Variants in HIVEP3 observed in about 807,000 individuals in gnomAD.
HIVEP3 encodes the protein HIVEP zinc finger 3, also known as transcription factor HIVEP3.
Under a neutral mutation model 152.8 loss-of-function variants are expected in HIVEP3, and 49 were observed. That is an observed-to-expected ratio of 0.32 (90% CI 0.26 to 0.41). The LOEUF (loss-of-function observed/expected upper bound fraction) is 0.41, where lower values mean the gene tolerates loss of function less well. Among genes scored for constraint, HIVEP3 ranks in the 10% least tolerant of loss-of-function variants. The probability of loss-of-function intolerance (pLI) is 1.00; values close to 1 mark genes in which losing one functional copy is unlikely to be tolerated. For synonymous variants in HIVEP3, 1,269 were observed against 1,289.0 expected (o/e 0.98, Z 0.33); for missense variants, 2,790 against 3,103.3 (o/e 0.90, Z 2.40).
rs553076758 is a variant in HIVEP3, at chr1:41,912,693, C to T, written c.-801+5720G>A. On this transcript the variant is annotated intron_variant, in intron 1 of 8. Coordinates refer to ENST00000372583, the MANE Select transcript of HIVEP3 (RefSeq NM_024503.5). Reference sequence around the variant, plus strand: ...AGGGCATGGAGCAAATGACTACATTCTGCTTCTCTTGCTAAGATTTCAATG... The same window carrying T: ...AGGGCATGGAGCAAATGACTACATTTTGCTTCTCTTGCTAAGATTTCAATG... 8.5e-5 allele frequency among the ~76,000 whole-genome samples: 13 copies of T among 152,306 alleles called. No homozygotes were observed. The South Asian group carries it at 2.5e-3, about 29-fold the overall frequency.
Position 41,545,027 on chromosome 1 carries a change from C to CATCACTACT in HIVEP3, c.5208-20118_5208-20117insAGTAGTGAT, listed in dbSNP as rs1558047452. ...TCACCACCACCACCACTACCACCAC[C>CATCACTACT]ACCACCACCAATACCACTACCACCA... is the stretch of plus-strand genomic sequence containing the variant. On this transcript the variant is annotated intron_variant, in intron 5 of 8. Transcript: ENST00000372583. 9.8e-5 allele frequency among the ~76,000 whole-genome samples: 11 copies of CATCACTACT among 112,574 alleles called. 3 individuals carry two copies. Among genetic ancestry groups the CATCACTACT allele is most frequent in the Admixed American group, 8.2e-5 (1 of 12,258 alleles). 73.9% of individuals were successfully genotyped at this position (112,574 alleles called of 152,430 possible).
intron 2 of HIVEP3, among the ~76,000 whole-genome samples, chr1:41,653,009 T>C (rs1168560152): frequency 6.9e-6 from 1 of 145,718 alleles, no homozygotes; most frequent in African/African-American, 2.5e-5. Flanking sequence ...CCATTTTTCT[T>C]CTGAGGATAA....
intron 1 of HIVEP3, among the ~76,000 whole-genome samples, chr1:41,817,216 A>G (rs1395416856): frequency 1.1e-4 from 17 of 152,248 alleles, no homozygotes; most frequent in Non-Finnish European, 2.4e-4. Flanking sequence ...ACCCACATCC[A>G]AGCCTTAGAC....
rs762383744 is a variant in HIVEP3, at chr1:41,509,166, C to G, written c.*1285G>C. ...CGAGTTAGGACAATTCAAAAATCCT[C>G]TAGGTCAAAAGAATCTGTGGTGGCT... On this transcript the variant is annotated 3_prime_UTR_variant, in exon 9 of 9. Transcript: ENST00000372583. 1.3e-5 allele frequency: 2 copies of G among 152,186 alleles called. No homozygotes were observed. Among genetic ancestry groups the G allele is most frequent in the Admixed American group, 6.5e-5 (1 of 15,278 alleles). The allele number at this position is 152,186 out of a possible 1,614,324, so 9.4% of individuals were successfully genotyped here.
chr1:41,630,724 G>A (rs1570155502), intron 2 of HIVEP3, among the ~76,000 whole-genome samples: 1 of 152,166 alleles, frequency 6.6e-6, no homozygotes, highest in Non-Finnish European at 1.5e-5. Flanking sequence ...CCAACACCTT[G>A]ATTCAGCCCT....
In HIVEP3 at chr1:41,788,018, T is replaced by G. The variant is rs552533723; in HGVS notation, c.-800-87023A>C. ...CTCCTCAAAGGGATTTAATGTGACT[T>G]TGGGCTCAAGCAAAGCTGCTCTGGG... On this transcript the variant is annotated intron_variant, in intron 1 of 8. Coordinates refer to ENST00000372583, the MANE Select transcript of HIVEP3 (RefSeq NM_024503.5). Among the ~76,000 whole-genome samples the G allele has an allele frequency of 2.0e-4, 31 of 152,108 alleles. No homozygotes were observed. The South Asian group carries it at 5.8e-3, about 29-fold the overall frequency.
chr1:41,841,441 T>G (rs1232917914), intron 1 of HIVEP3, among the ~76,000 whole-genome samples: 1 of 152,152 alleles, frequency 6.6e-6, no homozygotes. Context: ...AGCCGAATGC[T>G]CTGTGAATAT....
At chr1:41,902,300 T>C (rs530049539) in intron 1 of HIVEP3, among the ~76,000 whole-genome samples, 1 of 152,246 alleles carries the variant, frequency 6.6e-6, no homozygotes, top group East Asian at 1.9e-4. Context: ...AGATGAGTGA[T>C]TCATTGAAGA....
chr1:42,022,520 G>A (rs915493493), intron 1 of HIVEP3, among the ~76,000 whole-genome samples: 2 of 152,108 alleles, frequency 1.3e-5, no homozygotes, highest in Admixed American at 1.3e-4. Context: ...GATTTGTCAA[G>A]TATTTTTTCA....
intron 1 of HIVEP3, among the ~76,000 whole-genome samples, chr1:41,811,818 T>C (rs1650978342): frequency 6.6e-6 from 1 of 152,106 alleles, no homozygotes; most frequent in African/African-American, 2.4e-5. Flanking sequence ...AAAATCGCAG[T>C]TGCTGTAGTT....
At chr1:41,526,647 C>CTA (rs1558027921) in intron 5 of HIVEP3, among the ~76,000 whole-genome samples, 1 of 31,650 alleles carries the variant, frequency 3.2e-5, no homozygotes. Flanking sequence ...CCTCACACCC[C>CTA]CACACTCACA....
chr1:41,996,929 G>A (rs1478309353), intron 1 of HIVEP3, among the ~76,000 whole-genome samples: 2 of 152,066 alleles, frequency 1.3e-5, no homozygotes, highest in Admixed American at 6.6e-5. Flanking sequence ...GCACATCTTC[G>A]AATCTCTCTC....
chr1:41,651,091 C>T (rs1645541294), intron 2 of HIVEP3, among the ~76,000 whole-genome samples: 1 of 152,114 alleles, frequency 6.6e-6, no homozygotes, highest in Admixed American at 6.5e-5. Flanking sequence ...ATGGATTCAA[C>T]CAATCGAGGA....
chr1:41,933,900 T>A (rs1645007520), intron 1 of HIVEP3, among the ~76,000 whole-genome samples: 1 of 152,118 alleles, frequency 6.6e-6, no homozygotes, highest in Non-Finnish European at 1.5e-5. Flanking sequence ...GCTTCACTTC[T>A]GAATCCAGAA....
chr1:41,633,097 G>A (rs1232896738), intron 2 of HIVEP3, among the ~76,000 whole-genome samples: 1 of 152,142 alleles, frequency 6.6e-6, no homozygotes, highest in African/African-American at 2.4e-5. Context: ...CTCCGTGGCA[G>A]GTCAGAGGGC....
intron 2 of HIVEP3, among the ~76,000 whole-genome samples, chr1:41,667,626 A>G (rs574088162): frequency 6.6e-6 from 1 of 152,374 alleles, no homozygotes; most frequent in South Asian, 2.1e-4. Context: ...AGGGAGGTGC[A>G]TAAGTACAGC....
intron 2 of HIVEP3, among the ~76,000 whole-genome samples, chr1:41,673,290 G>A (rs1010922640): frequency 6.6e-6 from 1 of 152,268 alleles, no homozygotes; most frequent in African/African-American, 2.4e-5. Flanking sequence ...CAGGTGCAAA[G>A]AGGCAGTGAG....
At chr1:41,986,805 C>T (rs1645326550) in intron 1 of HIVEP3, among the ~76,000 whole-genome samples, 1 of 152,178 alleles carries the variant, frequency 6.6e-6, no homozygotes. Context: ...TATTAAGATA[C>T]TGTCCTTCCA....
At chr1:41,549,075 C>T (rs1340357481) in intron 5 of HIVEP3, among the ~76,000 whole-genome samples, 1 of 148,614 alleles carries the variant, frequency 6.7e-6, no homozygotes, top group Non-Finnish European at 1.5e-5. Flanking sequence ...CATCCTGTGT[C>T]CAATGTGTTC....
Sources: allele counts gnomAD v4.1 joint callset (sites outside exome capture counted in the v4.1 genomes callset), GRCh38; gene constraint gnomAD v4.1.1; transcripts MANE v1.5; gene names NCBI Gene and HGNC (gene_info 2026-07-23, HGNC 2026-07-21).